HADHA: variants seen among roughly 807,000 people sequenced by gnomAD.
HADHA encodes the protein trifunctional enzyme subunit alpha, mitochondrial.
A neutral mutation model predicts 91.3 loss-of-function variants in HADHA; 59 were observed. That is an observed-to-expected ratio of 0.65 (90% CI 0.52 to 0.80). The LOEUF is 0.80. Among genes scored for constraint, HADHA ranks in the 30% least tolerant of loss-of-function variants. The pLI, the probability that HADHA is intolerant of heterozygous loss-of-function variation, is 0.00. For missense variants in HADHA, 800 were observed against 927.6 expected, an observed-to-expected ratio of 0.86 and a Z score of 1.79; for synonymous variants, 320 against 338.9, an observed-to-expected ratio of 0.94 and a Z score of 0.61.
In HADHA at chr2:26,242,045, A is replaced by G. The variant is rs546969004; in HGVS notation, c.67+2485T>C. Among the ~76,000 whole-genome samples the G allele has an allele frequency of 3.0e-3, 452 of 152,072 alleles. 1 individual carries two copies. The highest frequency in any genetic ancestry group is 6.8e-3 in the Middle Eastern group (2 of 294). On this transcript the variant is annotated intron_variant, in intron 1 of 19. Transcript: ENST00000380649. ...GCCTCCCGAGTAGTTGGGATTACAG[A>G]CGTGTGCCACCACACCTGGCCAATT... is the stretch of plus-strand genomic sequence containing the variant.
At chr2:26,227,572 A>T (rs1292135910) in intron 7 of HADHA, among the ~76,000 whole-genome samples, 3 of 152,160 alleles carry the variant, frequency 2.0e-5, no homozygotes, top group Non-Finnish European at 2.9e-5. Context: ...TAAAATTAAA[A>T]AGATTGACCA....
chr2:26,227,631 C>T (rs1337535310), intron 7 of HADHA, among the ~76,000 whole-genome samples: 1 of 152,080 alleles, frequency 6.6e-6, no homozygotes, highest in Non-Finnish European at 1.5e-5. Context: ...GGTGGGAATG[C>T]AAAAGAGTAT....
At chr2:26,213,117 TAA>T (rs1346750089) in intron 9 of HADHA, among the ~76,000 whole-genome samples, 1 of 152,246 alleles carries the variant, frequency 6.6e-6, no homozygotes, top group Non-Finnish European at 1.5e-5. Flanking sequence ...TTTTTAGAAA[TAA>T]GCAAATTGAC....
rs751388777 is a variant in HADHA at position 26,215,180 on chromosome 2, A to T, written c.677-5T>A. 6.2e-7 allele frequency: 1 copy of T among 1,612,736 alleles called. No individual in the cohort carries two copies. Among genetic ancestry groups the T allele is most frequent in the Non-Finnish European group, 8.5e-7 (1 of 1,178,918 alleles). On this transcript the variant is annotated splice_region_variant and splice_polypyrimidine_tract_variant and intron_variant, in intron 7 of 19. Coordinates refer to ENST00000380649, the MANE Select transcript of HADHA (RefSeq NM_000182.5). ...CTGGAGGTTTTAGTCCTGGTCCTAT[A>T]AAAATGAATGCAACACTGGAATGCA...
chr2:26,193,838 G>T, intron 16 of HADHA, 66 bp from the exon 17 acceptor site: 2 of 1,269,666 alleles, frequency 1.6e-6, no homozygotes, highest in Non-Finnish European at 2.3e-6. Context: ...AGGGCTCCCT[G>T]TACTGGCTCC....
At position 26,229,315 on chromosome 2, in the gene HADHA, G is replaced by T. The variant is rs1670557009; in HGVS notation, c.676+877C>A. ...TTCACACCACCATATTCCAGTCTGA[G>T]CAACAGAGTGAGACCCCAACATGTG... On this transcript the variant is annotated intron_variant, in intron 7 of 19. Coordinates refer to ENST00000380649, the MANE Select transcript of HADHA (RefSeq NM_000182.5). This position sits in a 1 kb window ranked among gnomAD's most constrained non-coding sequence, Gnocchi z 4.3. Among the ~76,000 whole-genome samples, 1 of 150,444 alleles carries T rather than the reference G, an allele frequency of 6.6e-6. No homozygotes were observed. The highest frequency in any genetic ancestry group is 1.5e-5 in the Non-Finnish European group (1 of 67,896).
chr2:26,239,665 G>A (rs1374256414), intron 1 of HADHA, among the ~76,000 whole-genome samples: 2 of 151,802 alleles, frequency 1.3e-5, no homozygotes, highest in Non-Finnish European at 2.9e-5. Context: ...TTATGGAAAG[G>A]GAAGAGAAGG....
chr2:26,236,472 G>A (rs1410087865), intron 4 of HADHA, among the ~76,000 whole-genome samples: 23 of 150,890 alleles, frequency 1.5e-4, no homozygotes, highest in African/African-American at 2.4e-5. Context: ...AGGCTGGAGT[G>A]CAGTGGTGTG....
Position 26,191,207 on chromosome 2 carries a change from C to A in HADHA, c.*43G>T, listed in dbSNP as rs1669486129. 1 of 1,597,938 alleles carries A rather than the reference C, an allele frequency of 6.3e-7. No homozygotes were observed. Among genetic ancestry groups the A allele is most frequent in the South Asian group, 1.1e-5 (1 of 90,692 alleles). ...TCTGTTGGAGAACCAGCACTGCCGG[C>A]AGCTGGGGTTAGTGCACTGACTGAG... On this transcript the variant is annotated 3_prime_UTR_variant, in exon 20 of 20. Transcript: ENST00000380649.
At chr2:26,205,797 A>AT (rs201531405) in intron 11 of HADHA, among the ~76,000 whole-genome samples, 13 of 149,710 alleles carry the variant, frequency 8.7e-5, no homozygotes, top group Non-Finnish European at 1.8e-4. Context: ...GTGAGACTCC[A>AT]TTTTTTTTAA....
intron 1 of HADHA, 86 bp from the exon 2 acceptor site, chr2:26,239,229 T>C (rs922299392): frequency 2.2e-6 from 2 of 921,586 alleles, no homozygotes; most frequent in Non-Finnish European, 3.6e-6. Context: ...TTTACAATAA[T>C]AACAACAACA....
rs1248715157 is a variant in HADHA, at chr2:26,214,207, G to C, written c.918+236C>G. ...TTTCCTGGTTTTCTGGTTTGTTACTGATACATTTAACTGCATCAATCAATG... is the reference window on the plus strand; with the variant it reads ...TTTCCTGGTTTTCTGGTTTGTTACTCATACATTTAACTGCATCAATCAATG... On this transcript the variant is annotated intron_variant, in intron 9 of 19. Transcript: ENST00000380649. The surrounding 1 kb of genome is among the most constrained non-coding windows in gnomAD (Gnocchi z 4.1). Among the ~76,000 whole-genome samples the C allele has an allele frequency of 6.6e-6, 1 of 152,126 alleles. No homozygotes were observed.
intron 7 of HADHA, among the ~76,000 whole-genome samples, chr2:26,225,234 C>T (rs1291130712): frequency 7.9e-5 from 12 of 152,066 alleles, no homozygotes; most frequent in Admixed American, 7.9e-4. Context: ...CCTGTAATCC[C>T]AGCACTTTGG....
chr2:26,204,087 G>C lies in HADHA; in HGVS notation c.1195C>G (p.Arg399Gly). Residue 399 changes from arginine (R) to glycine (G), a missense_variant, in exon 12 of 20, where the codon CGA becomes GGA. Arg to Gly is a moderately radical substitution (Grantham distance 125). Transcript: ENST00000380649. ...CCTTTGAACACTTGTTGCTGTCCTC[G>C]GTCTAGCGCAGTGAGGGTGGCATCT... is the stretch of plus-strand genomic sequence containing the variant. ...LKDATLTALDRGQQQVFKGLN... is the reference protein window; with the variant it reads ...LKDATLTALDGGQQQVFKGLN... 3 of 1,613,884 alleles carry C rather than the reference G, an allele frequency of 1.9e-6. No homozygotes were observed. The highest frequency in any genetic ancestry group is 2.2e-5 in the East Asian group (1 of 44,890).
intron 7 of HADHA, among the ~76,000 whole-genome samples, chr2:26,217,916 C>G (rs1458003593): frequency 6.6e-6 from 1 of 151,672 alleles, no homozygotes; most frequent in Non-Finnish European, 1.5e-5. Flanking sequence ...CAAAAAGAAA[C>G]AAACAAACAA....
chr2:26,207,585 A>G (rs1670001148), intron 11 of HADHA, among the ~76,000 whole-genome samples: 2 of 152,134 alleles, frequency 1.3e-5, no homozygotes. Context: ...CCTTCTAATA[A>G]ACATCTTCAG....
intron 7 of HADHA, among the ~76,000 whole-genome samples, chr2:26,218,579 A>G (rs1008993993): frequency 2.6e-5 from 4 of 152,246 alleles, no homozygotes; most frequent in African/African-American, 9.6e-5. Flanking sequence ...ATAATTATCT[A>G]AAACAAATAT....
In HADHA at chr2:26,208,229, T is replaced by G. The variant is rs1204101633; in HGVS notation, c.1085+1551A>C. Among the ~76,000 whole-genome samples, 7 of 152,270 alleles carry G rather than the reference T, an allele frequency of 4.6e-5. No individual in the cohort carries two copies. In the South Asian group the frequency reaches 1.5e-3, roughly 32 times the overall value. On this transcript the variant is annotated intron_variant, in intron 11 of 19. Coordinates refer to ENST00000380649, the MANE Select transcript of HADHA (RefSeq NM_000182.5). ...TTATAGTCTTCTTCTGCATTGTGGT[T>G]GTTTTTTGGGGGACAGAATTTTCAT...
rs794727700 is a variant in HADHA, at chr2:26,234,267, T to C, written c.403A>G (p.Lys135Glu). 6.2e-7 allele frequency: 1 copy of C among 1,613,818 alleles called. No homozygotes were observed. The highest frequency in any genetic ancestry group is 8.5e-7 in the Non-Finnish European group (1 of 1,179,690). The stretch of plus-strand genomic sequence containing the variant: ...CCATTGATGGCAGCCACAATAGGCT[T>C]TGTGGACTTTTCAAGTTTCTCAACT... Reference protein sequence around the residue: ...RIVEKLEKSTKPIVAAINGSC... With the variant: ...RIVEKLEKSTEPIVAAINGSC... Residue 135 changes from lysine to glutamate, a missense_variant, in exon 5 of 20, where the codon AAG becomes GAG. Physicochemically the swap from Lys to Glu is moderately conservative, Grantham distance 56. Coordinates refer to ENST00000380649, the MANE Select transcript of HADHA (RefSeq NM_000182.5).
Sources: gnomAD v4.1 joint callset for allele counts (sites outside exome capture counted in the v4.1 genomes callset) on GRCh38, gnomAD v4.1.1 for gene constraint, Gnocchi (gnomAD v3.1) non-coding constraint, MANE v1.5 for transcripts, NCBI Gene and HGNC (gene_info 2026-07-23, HGNC 2026-07-21) for gene names.